The following NCOA7 variants were observed in gnomAD, a reference collection of about 807,000 sequenced individuals.
The protein encoded by NCOA7 is 140 kDa estrogen receptor-associated protein.
A neutral mutation model predicts 104.3 loss-of-function variants in NCOA7; 45 were observed. The observed-to-expected ratio is 0.43, with a 90% CI of 0.34 to 0.55. The LOEUF (loss-of-function observed/expected upper bound fraction) is 0.55. Ranked by LOEUF, NCOA7 falls within the 20% of genes least tolerant of loss-of-function variation. The probability of loss-of-function intolerance (pLI) is 0.02; values close to 1 mark genes in which losing one functional copy is unlikely to be tolerated. For missense variants in NCOA7, 1,041 were observed against 1,119.7 expected, an observed-to-expected ratio of 0.93 and a Z score of 1.00; for synonymous variants, 398 against 402.3, an observed-to-expected ratio of 0.99 and a Z score of 0.13.
intron 10 of NCOA7, chr6:125,899,940 AAG>A: frequency 1.9e-6 from 1 of 528,420 alleles, no homozygotes; most frequent in Non-Finnish European, 3.9e-6. Context: ...GCTTGGAGAC[AAG>A]TAGCTTTGGA....
intron 1 of NCOA7, among the ~76,000 whole-genome samples, chr6:125,810,812 A>C (rs1304287233): frequency 1.3e-5 from 2 of 152,224 alleles, no homozygotes; most frequent in East Asian, 3.8e-4. Context: ...AAATTTCCAG[A>C]AACTTAAACC....
intron 3 of NCOA7, among the ~76,000 whole-genome samples, chr6:125,870,067 C>T (rs1782765370): frequency 6.6e-6 from 1 of 152,232 alleles, no homozygotes; most frequent in African/African-American, 2.4e-5. Flanking sequence ...CTCTGTGCAT[C>T]ATAACCATAC....
At chr6:125,882,056 A>T (rs1467352707) in intron 6 of NCOA7, among the ~76,000 whole-genome samples, 4 of 152,062 alleles carry the variant, frequency 2.6e-5, no homozygotes, top group Admixed American at 6.5e-5. Flanking sequence ...GTTTCACCAT[A>T]TTAGTCAGGC....
At position 125,886,923 on chromosome 6, in the gene NCOA7, G is replaced by A. The variant is rs539640357; in HGVS notation, c.884+1580G>A. Among the ~76,000 whole-genome samples, 4 of 152,366 alleles carry A rather than the reference G, an allele frequency of 2.6e-5. 1 individual carries two copies. In the South Asian group the frequency reaches 6.2e-4, roughly 24 times the overall value. ...GTGCGCGTGCACACACGTGCAGGAC[G>A]TTTTGTAGCTCCGGCTGCCACAGTG... On this transcript the variant is annotated intron_variant, in intron 8 of 15. Coordinates refer to ENST00000392477, the MANE Select transcript of NCOA7 (RefSeq NM_181782.5).
chr6:125,882,575 C>T (rs1369181504), intron 7 of NCOA7, 24 bp downstream of exon 7: 1 of 1,604,242 alleles, frequency 6.2e-7, no homozygotes, highest in Non-Finnish European at 8.5e-7. Flanking sequence ...TAATTTGTTT[C>T]CTTTCCTTGA....
chr6:125,787,114 C>A, upstream of NCOA7, among the ~76,000 whole-genome samples: 2 of 148,528 alleles, frequency 1.3e-5, no homozygotes, highest in South Asian at 2.1e-4. Context: ...CTAATGAGAC[C>A]CTGTCTGGAA....
intron 2 of NCOA7, among the ~76,000 whole-genome samples, chr6:125,834,316 G>T (rs1056133253): frequency 6.6e-6 from 1 of 151,936 alleles, no homozygotes; most frequent in Admixed American, 6.6e-5. Flanking sequence ...TCCCTTGTAG[G>T]TAAAAGAAAA....
chr6:125,853,026 C>T (rs1781253654), intron 2 of NCOA7, among the ~76,000 whole-genome samples: 1 of 152,186 alleles, frequency 6.6e-6, no homozygotes. Context: ...GCAGTATGGT[C>T]ATTTTCACAA....
chr6:125,890,044 CAT>C (rs1784520934), intron 9 of NCOA7, 63 bp downstream of exon 9: 1 of 1,201,198 alleles, frequency 8.3e-7, no homozygotes, highest in Non-Finnish European at 1.1e-6. Flanking sequence ...ACAATTTGCA[CAT>C]GTAATACCCA....
At chr6:125,914,406 A>G (rs1786865670) in intron 10 of NCOA7, among the ~76,000 whole-genome samples, 2 of 152,232 alleles carry the variant, frequency 1.3e-5, no homozygotes, top group Non-Finnish European at 2.9e-5. Context: ...ATAGGAATGT[A>G]GAAACCTTAA....
intron 3 of NCOA7, among the ~76,000 whole-genome samples, chr6:125,872,294 A>G (rs961826757): frequency 2.0e-5 from 3 of 152,204 alleles, no homozygotes; most frequent in African/African-American, 7.2e-5. Flanking sequence ...GTAAACTGTC[A>G]CCAGTTGGTG....
At chr6:125,902,053 A>T (rs1409912351) in intron 10 of NCOA7, among the ~76,000 whole-genome samples, 5 of 151,614 alleles carry the variant, frequency 3.3e-5, no homozygotes, top group African/African-American at 1.2e-4. Flanking sequence ...CTGCCAGTGG[A>T]GCTTGTGGTT....
At chr6:125,854,023 C>T (rs188361788) in intron 2 of NCOA7, among the ~76,000 whole-genome samples, 1 of 152,226 alleles carries the variant, frequency 6.6e-6, no homozygotes, top group East Asian at 1.9e-4. Flanking sequence ...TTATCCATTG[C>T]CCAACATCAA....
At chr6:125,913,171 A>G (rs183374542) in intron 10 of NCOA7, among the ~76,000 whole-genome samples, 83 of 152,338 alleles carry the variant, frequency 5.4e-4, no homozygotes, top group Middle Eastern at 6.8e-3. Context: ...TGTATTATAC[A>G]TAGAGATCTG....
chr6:125,867,596 T>A (rs1782542944), intron 3 of NCOA7, among the ~76,000 whole-genome samples: 1 of 152,240 alleles, frequency 6.6e-6, no homozygotes, highest in African/African-American at 2.4e-5. Flanking sequence ...TCCCTCTTTA[T>A]CCTGGAGTTT....
At chr6:125,823,801 T>A (rs1778412422) in intron 2 of NCOA7, among the ~76,000 whole-genome samples, 2 of 152,152 alleles carry the variant, frequency 1.3e-5, no homozygotes, top group African/African-American at 4.8e-5. Flanking sequence ...ATGAAATCAG[T>A]TTAGTGGATA....
intron 3 of NCOA7, 161 bp downstream of exon 3, chr6:125,855,401 G>A: frequency 1.7e-6 from 1 of 579,886 alleles, no homozygotes; most frequent in Non-Finnish European, 3.0e-6. Context: ...TGTGTAAGGG[G>A]ATCACACTAA....
At chr6:125,839,776 C>T (rs1483964186) in intron 2 of NCOA7, among the ~76,000 whole-genome samples, 3 of 151,994 alleles carry the variant, frequency 2.0e-5, no homozygotes, top group South Asian at 2.1e-4. Flanking sequence ...ACATTGTCAC[C>T]GTCATAGTGC....
chr6:125,901,984 T>C (rs1036379955), intron 10 of NCOA7, among the ~76,000 whole-genome samples: 39 of 152,194 alleles, frequency 2.6e-4, no homozygotes, highest in African/African-American at 9.2e-4. Context: ...GCTGCCTCTT[T>C]TCCTCTCAGC....
Sources: gnomAD v4.1 joint callset for allele counts (sites outside exome capture counted in the v4.1 genomes callset) on GRCh38, gnomAD v4.1.1 for gene constraint, MANE v1.5 for transcripts, NCBI Gene and HGNC (gene_info 2026-07-23, HGNC 2026-07-21) for gene names.